CNTNAP2: variants seen among roughly 807,000 people sequenced by gnomAD.
The protein encoded by CNTNAP2 is contactin-associated protein-like 2.
CNTNAP2 carries 98 observed loss-of-function variants against 155.2 expected under a neutral mutation model. That is an observed-to-expected ratio of 0.63 (90% confidence interval 0.54 to 0.75). The LOEUF (loss-of-function observed/expected upper bound fraction) is 0.75. Among genes scored for constraint, CNTNAP2 ranks in the 30% least tolerant of loss-of-function variants. CNTNAP2 has a pLI of 0.00. For synonymous variants in CNTNAP2, 651 were observed against 631.2 expected (o/e 1.03, Z -0.47); for missense variants, 1,727 against 1,688.1 (o/e 1.02, Z -0.40).
At chr7:147,451,134 T>G (rs1163811977) in intron 10 of CNTNAP2, among the ~76,000 whole-genome samples, 1 of 152,182 alleles carries the variant, frequency 6.6e-6, no homozygotes, top group South Asian at 2.1e-4. Flanking sequence ...ACGGGTCCTT[T>G]GTTGAGGCAA....
intron 10 of CNTNAP2, among the ~76,000 whole-genome samples, chr7:147,445,566 C>T (rs115032043): frequency 0.021 from 3,199 of 152,260 alleles, 115 homozygotes; most frequent in African/African-American, 0.073. Flanking sequence ...TGTTAGAACA[C>T]TGCTTGACAC....
intron 1 of CNTNAP2, among the ~76,000 whole-genome samples, chr7:146,213,877 T>C (rs1256881689): frequency 6.6e-6 from 1 of 152,182 alleles, no homozygotes; most frequent in Non-Finnish European, 1.5e-5. Context: ...GTTACTGAAA[T>C]CCATGGCATT....
rs529381122 is a variant in CNTNAP2, at chr7:147,518,002, G to A, written c.1777+31961G>A. Among the ~76,000 whole-genome samples, 7 of 152,236 alleles carry A rather than the reference G, an allele frequency of 4.6e-5. No homozygotes were observed. The South Asian group carries it at 1.5e-3, about 32-fold the overall frequency. On this transcript the variant is annotated intron_variant, in intron 11 of 23. Transcript: ENST00000361727. Reference sequence around the variant, plus strand: ...GTTGGAGTGCAGTGGCGTGATCATGGCTCACTGCAACCTCTGCCTCCTGGG... The same window carrying A: ...GTTGGAGTGCAGTGGCGTGATCATGACTCACTGCAACCTCTGCCTCCTGGG...
intron 14 of CNTNAP2, among the ~76,000 whole-genome samples, chr7:147,938,176 A>T (rs1800649061): frequency 1.3e-5 from 2 of 152,148 alleles, no homozygotes; most frequent in Admixed American, 6.5e-5. Flanking sequence ...TGGTCTAATA[A>T]TTTTTTCTTC....
intron 16 of CNTNAP2, among the ~76,000 whole-genome samples, chr7:148,132,870 A>G (rs1243197659): frequency 2.6e-5 from 4 of 152,238 alleles, no homozygotes; most frequent in East Asian, 1.9e-4. Flanking sequence ...CCACTCTGAA[A>G]CTTCTATGAA....
At chr7:147,775,114 T>A (rs2116542837) in intron 13 of CNTNAP2, among the ~76,000 whole-genome samples, 1 of 149,854 alleles carries the variant, frequency 6.7e-6, no homozygotes, top group Non-Finnish European at 1.5e-5. Context: ...TTAAGGGTGA[T>A]GGTCTTTTCA....
intron 1 of CNTNAP2, among the ~76,000 whole-genome samples, chr7:146,267,228 A>G (rs1268726573): frequency 6.6e-6 from 1 of 152,108 alleles, no homozygotes; most frequent in East Asian, 1.9e-4. Flanking sequence ...TCTATTTGTC[A>G]TAGTGGTTTG....
At chr7:147,338,385 G>A (rs1188714823) in intron 9 of CNTNAP2, among the ~76,000 whole-genome samples, 3 of 152,104 alleles carry the variant, frequency 2.0e-5, no homozygotes, top group African/African-American at 7.2e-5. Flanking sequence ...TAAAATTACA[G>A]TGATTGTCTT....
At chr7:146,786,659 C>G (rs1171682518) in intron 2 of CNTNAP2, among the ~76,000 whole-genome samples, 1 of 152,138 alleles carries the variant, frequency 6.6e-6, no homozygotes, top group Non-Finnish European at 1.5e-5. Context: ...TTGTTCTTGC[C>G]TCTTTAACAT....
At chr7:147,740,278 T>G (rs572042756) in intron 13 of CNTNAP2, among the ~76,000 whole-genome samples, 25 of 152,278 alleles carry the variant, frequency 1.6e-4, no homozygotes, top group African/African-American at 5.8e-4. Context: ...AATTTAGATA[T>G]CAAATTGTTT....
chr7:147,935,914 A>G (rs558658348), intron 14 of CNTNAP2, among the ~76,000 whole-genome samples: 1 of 152,210 alleles, frequency 6.6e-6, no homozygotes, highest in African/African-American at 2.4e-5. Context: ...GCAGAATGTC[A>G]AGCTATTTTA....
intron 1 of CNTNAP2, among the ~76,000 whole-genome samples, chr7:146,215,866 T>G (rs959431625): frequency 3.3e-5 from 5 of 152,184 alleles, no homozygotes; most frequent in African/African-American, 1.2e-4. Context: ...ATAAATAATA[T>G]TTTACCTTCC....
chr7:147,677,422 T>G (rs1795886790), intron 13 of CNTNAP2, among the ~76,000 whole-genome samples: 1 of 151,914 alleles, frequency 6.6e-6, no homozygotes, highest in African/African-American at 2.4e-5. Context: ...AAACCCCTTA[T>G]CAGATGTGTA....
intron 1 of CNTNAP2, among the ~76,000 whole-genome samples, chr7:146,228,155 T>A (rs572023533): frequency 5.9e-5 from 9 of 152,202 alleles, no homozygotes; most frequent in Non-Finnish European, 1.0e-4. Context: ...TATAGCGTTA[T>A]AGCTGCAAAT....
At chr7:147,663,644 G>A (rs377604744) in intron 13 of CNTNAP2, among the ~76,000 whole-genome samples, 1 of 152,168 alleles carries the variant, frequency 6.6e-6, no homozygotes, top group Admixed American at 6.5e-5. Flanking sequence ...GTTTCCTCAC[G>A]AAGTAGTATC....
At chr7:147,520,726 A>G (rs1164680652) in intron 11 of CNTNAP2, among the ~76,000 whole-genome samples, 3 of 152,236 alleles carry the variant, frequency 2.0e-5, no homozygotes, top group South Asian at 2.1e-4. Context: ...GAACCTTTCT[A>G]TAAGACTTTG....
chr7:146,404,971 T>A (rs976864307), intron 1 of CNTNAP2, among the ~76,000 whole-genome samples: 3 of 152,176 alleles, frequency 2.0e-5, no homozygotes, highest in South Asian at 2.1e-4. Context: ...TATCAATGAT[T>A]AGGTGATATG....
intron 8 of CNTNAP2, among the ~76,000 whole-genome samples, chr7:147,156,142 G>T (rs1195974993): frequency 2.0e-5 from 3 of 152,082 alleles, no homozygotes; most frequent in Non-Finnish European, 4.4e-5. Context: ...GTAGATTTCG[G>T]AGCCTCATAC....
chr7:148,078,507 T>C (rs529007630), intron 15 of CNTNAP2, among the ~76,000 whole-genome samples: 4 of 151,302 alleles, frequency 2.6e-5, no homozygotes, highest in Non-Finnish European at 5.9e-5. Flanking sequence ...TTAGGCCGAG[T>C]TTCATTTTTG....
Sources: gnomAD v4.1 joint callset for allele counts (sites outside exome capture counted in the v4.1 genomes callset) on GRCh38, gnomAD v4.1.1 for gene constraint, MANE v1.5 for transcripts, NCBI Gene and HGNC (gene_info 2026-07-23, HGNC 2026-07-21) for gene names.